CREB5: variants seen among roughly 807,000 people sequenced by gnomAD.
CREB5 encodes the protein cAMP responsive element binding protein 5.
Under a neutral mutation model 57.1 loss-of-function variants are expected in CREB5, and 19 were observed. The observed-to-expected ratio is 0.33, with a 90% CI of 0.23 to 0.49. CREB5 has a LOEUF of 0.49. CREB5 is among the 20% of genes least tolerant of loss of function. The pLI is 0.99. For synonymous variants in CREB5, 238 were observed against 238.3 expected (o/e 1.00, Z 0.01); for missense variants, 579 against 671.6 (o/e 0.86, Z 1.52).
At chr7:28,635,878 G>A (rs997061071) in intron 5 of CREB5, among the ~76,000 whole-genome samples, 4 of 152,186 alleles carry the variant, frequency 2.6e-5, no homozygotes, top group South Asian at 2.1e-4. Context: ...ATTCAGAATT[G>A]CTCCTGAGCC....
intron 1 of CREB5, among the ~76,000 whole-genome samples, chr7:28,316,069 G>T (rs181607923): frequency 6.6e-6 from 1 of 152,186 alleles, no homozygotes; most frequent in Admixed American, 6.5e-5. Flanking sequence ...TCCAGATCTT[G>T]AGTAGAAAAC....
chr7:28,306,072 C>A (rs1024232147), intron 1 of CREB5, among the ~76,000 whole-genome samples: 7 of 151,920 alleles, frequency 4.6e-5, no homozygotes, highest in African/African-American at 1.7e-4. Flanking sequence ...TACAGTTATT[C>A]CTGGATGGTA....
intron 5 of CREB5, among the ~76,000 whole-genome samples, chr7:28,619,030 T>G (rs995470354): frequency 6.6e-6 from 1 of 152,204 alleles, no homozygotes; most frequent in African/African-American, 2.4e-5. Flanking sequence ...ATTGAGGAAT[T>G]CGTTGGTTAA....
At chr7:28,317,873 A>C (rs886500109) in intron 1 of CREB5, among the ~76,000 whole-genome samples, 1 of 152,344 alleles carries the variant, frequency 6.6e-6, no homozygotes, top group East Asian at 1.9e-4. Flanking sequence ...GAATGACTGC[A>C]GTGTAATTGT....
chr7:28,818,985 GA>G, intron 10 of CREB5, 130 bp from the exon 11 acceptor site: 1 of 1,090,780 alleles, frequency 9.2e-7, no homozygotes, highest in Non-Finnish European at 1.3e-6. Context: ...ACTTTCAGAA[GA>G]AAATGTGTGA....
intron 1 of CREB5, among the ~76,000 whole-genome samples, chr7:28,374,510 A>G (rs1298976519): frequency 3.6e-4 from 55 of 152,236 alleles, no homozygotes; most frequent in Admixed American, 3.6e-3. Flanking sequence ...CAGCAAGGAT[A>G]AAAATAAGAA....
intron 4 of CREB5, among the ~76,000 whole-genome samples, chr7:28,528,772 TAA>T (rs34947879): frequency 0.011 from 1,038 of 92,568 alleles, 9 homozygotes; most frequent in African/African-American, 0.029. Context: ...TGTTTTAGGT[TAA>T]AAAAAAAAAA....
At chr7:28,492,372 T>G (rs934292644) in intron 2 of CREB5, among the ~76,000 whole-genome samples, 1 of 152,240 alleles carries the variant, frequency 6.6e-6, no homozygotes, top group South Asian at 2.1e-4. Context: ...TTGCCCTTTG[T>G]AATCTCACAG....
At chr7:28,498,833 T>C (rs184075261) in intron 3 of CREB5, among the ~76,000 whole-genome samples, 149 of 152,282 alleles carry the variant, frequency 9.8e-4, no homozygotes, top group African/African-American at 3.5e-3. Flanking sequence ...AGAGCCCTAA[T>C]GTGATGATAG....
At chr7:28,693,885 T>C (rs1801403378) in intron 5 of CREB5, among the ~76,000 whole-genome samples, 1 of 152,230 alleles carries the variant, frequency 6.6e-6, no homozygotes. Context: ...AATATTGTCA[T>C]GTAACAGTTC....
rs1805970631 is a variant in CREB5, at chr7:28,766,165, T to C, written c.703-38034T>C. Among the ~76,000 whole-genome samples, 4 of 152,300 alleles carry C rather than the reference T, an allele frequency of 2.6e-5. No individual in the cohort carries two copies. The South Asian group carries it at 8.3e-4, about 32-fold the overall frequency. The stretch of plus-strand genomic sequence containing the variant: ...ATGAGAACTCATTACATATAATTCA[T>C]TAGTTTAGCCACTATGCTTATTTTC... On this transcript the variant is annotated intron_variant, in intron 7 of 10. Coordinates refer to ENST00000357727, the MANE Select transcript of CREB5 (RefSeq NM_182898.4).
chr7:28,425,568 A>C (rs972953497), intron 1 of CREB5, among the ~76,000 whole-genome samples: 1 of 152,214 alleles, frequency 6.6e-6, no homozygotes, highest in Non-Finnish European at 1.5e-5. Flanking sequence ...TGCATGCTTT[A>C]AGTGAGTGAA....
chr7:28,706,995 A>C (rs868212280), intron 5 of CREB5, among the ~76,000 whole-genome samples: 1 of 152,166 alleles, frequency 6.6e-6, no homozygotes, highest in Non-Finnish European at 1.5e-5. Context: ...TGCCAAGCTC[A>C]GTGCTCTCAA....
chr7:28,306,568 T>TTTTTTTTTTTTTTTTTTG (rs1785191302), intron 1 of CREB5, among the ~76,000 whole-genome samples: 1 of 132,714 alleles, frequency 7.5e-6, no homozygotes, highest in Non-Finnish European at 1.6e-5. Flanking sequence ...TTTTTTTTTT[T>TTTTTTTTTTTTTTTTTTG]TTTTTTTTTT....
Position 28,742,064 on chromosome 7 carries a change from T to TAAA in CREB5, c.702+17752_702+17754dup, listed in dbSNP as rs58431827. On this transcript the variant is annotated intron_variant, in intron 7 of 10. Coordinates refer to ENST00000357727, the MANE Select transcript of CREB5 (RefSeq NM_182898.4). Reference sequence around the variant, plus strand: ...CTGAGCAACAGAGTGAGATTCCCTCTAAAAAAAAAAAAAAAAAAAAAATCC... The same window carrying TAAA: ...CTGAGCAACAGAGTGAGATTCCCTCTAAAAAAAAAAAAAAAAAAAAAAAAATCC... 1.4e-3 allele frequency among the ~76,000 whole-genome samples: 152 copies of TAAA among 111,386 alleles called. 3 individuals are homozygous for TAAA. Among genetic ancestry groups the TAAA allele is most frequent in the African/African-American group, 5.1e-3 (149 of 29,036 alleles). The allele number at this position is 111,386 out of a possible 152,430, so 73.1% of individuals were successfully genotyped here.
At position 28,339,100 on chromosome 7, in the gene CREB5, G is replaced by T. The variant is rs551538029; in HGVS notation, c.-25+39659G>T. Among the ~76,000 whole-genome samples, 9 of 152,132 alleles carry T rather than the reference G, an allele frequency of 5.9e-5. No homozygotes were observed. The East Asian group carries it at 1.2e-3, about 20-fold the overall frequency. ...CCTGTCTGAAAGGCCACATATCTTTGTCTCTTCAGGATTTGTCCCTGGTGC... is the reference window on the plus strand; with the variant it reads ...CCTGTCTGAAAGGCCACATATCTTTTTCTCTTCAGGATTTGTCCCTGGTGC... On this transcript the variant is annotated intron_variant, in intron 1 of 9. Transcript: ENST00000396299.
At position 28,735,657 on chromosome 7, in the gene CREB5, C is replaced by T. The variant is rs368848890; in HGVS notation, c.702+11325C>T. On this transcript the variant is annotated intron_variant, in intron 7 of 10. Coordinates refer to ENST00000357727, the MANE Select transcript of CREB5 (RefSeq NM_182898.4). The stretch of plus-strand genomic sequence containing the variant: ...TGTAACCTCCTTACTAGTGTCTAGG[C>T]TCCCTGAGGGGGAGGGATCTGAACA... 7.2e-5 allele frequency among the ~76,000 whole-genome samples: 11 copies of T among 152,250 alleles called. No homozygotes were observed. The South Asian group carries it at 2.3e-3, about 32-fold the overall frequency.
At chr7:28,695,350 G>A (rs1268196635) in intron 5 of CREB5, among the ~76,000 whole-genome samples, 1 of 152,234 alleles carries the variant, frequency 6.6e-6, no homozygotes, top group Non-Finnish European at 1.5e-5. Flanking sequence ...TGCCAGGCCA[G>A]TGAGCTTCCT....
intron 5 of CREB5, among the ~76,000 whole-genome samples, chr7:28,718,415 C>T (rs1802822415): frequency 6.6e-6 from 1 of 152,152 alleles, no homozygotes; most frequent in Admixed American, 6.5e-5. Context: ...CTTCAGAGGG[C>T]TGAGATTTCT....
Sources: allele counts gnomAD v4.1 joint callset (sites outside exome capture counted in the v4.1 genomes callset), GRCh38; gene constraint gnomAD v4.1.1; transcripts MANE v1.5; gene names NCBI Gene and HGNC (gene_info 2026-07-23, HGNC 2026-07-21).